Variants in SLC35F1 observed in about 807,000 individuals in gnomAD.
SLC35F1 encodes solute carrier family 35 member F1.
In SLC35F1, 14 loss-of-function variants were observed where a neutral mutation model predicts 48.7. The ratio of observed to expected loss-of-function variants is 0.29; its 90% confidence interval spans 0.19 to 0.45. SLC35F1 has a LOEUF of 0.45. Ranked by LOEUF, SLC35F1 falls within the 20% of genes least tolerant of loss-of-function variation. The pLI is 1.00. For synonymous variants in SLC35F1, 190 were observed against 202.2 expected (o/e 0.94, Z 0.51); for missense variants, 404 against 500.0 (o/e 0.81, Z 1.83).
Position 118,074,030 on chromosome 6 carries a change from C to T in SLC35F1, c.174-80415C>T, listed in dbSNP as rs544602402. On this transcript the variant is annotated intron_variant, in intron 1 of 7. Transcript: ENST00000360388. ...CCTGTTGATTATATAAACTCAATTA[C>T]TTTAGCTTTTCCCTATAGACTATAT... Among the ~76,000 whole-genome samples, 4 of 152,252 alleles carry T rather than the reference C, an allele frequency of 2.6e-5. No homozygotes were observed. In the South Asian group the frequency reaches 8.3e-4, roughly 32 times the overall value.
intron 2 of SLC35F1, among the ~76,000 whole-genome samples, chr6:118,176,200 G>A (rs1025022363): frequency 6.6e-6 from 1 of 152,040 alleles, no homozygotes; most frequent in Non-Finnish European, 1.5e-5. Context: ...AATGTTTAGA[G>A]GCACACCCCA....
At chr6:117,912,765 GTATTTA>G (rs1334290650) in intron 1 of SLC35F1, among the ~76,000 whole-genome samples, 7 of 152,164 alleles carry the variant, frequency 4.6e-5, no homozygotes, top group African/African-American at 1.7e-4. Context: ...CAGTATACTT[GTATTTA>G]TGCCCAGTGC....
intron 1 of SLC35F1, among the ~76,000 whole-genome samples, chr6:118,093,339 G>A (rs558398941): frequency 6.6e-6 from 1 of 152,048 alleles, no homozygotes; most frequent in African/African-American, 2.4e-5. Context: ...ATAAATGTGA[G>A]GACATGAGAT....
intron 1 of SLC35F1, among the ~76,000 whole-genome samples, chr6:118,134,587 T>C (rs573734877): frequency 1.3e-5 from 2 of 152,306 alleles, no homozygotes; most frequent in African/African-American, 2.4e-5. Flanking sequence ...AAAGGTGAAC[T>C]TGCGGCAGAG....
Position 118,317,536 on chromosome 6 carries a change from G to C in SLC35F1, c.*3284G>C, listed in dbSNP as rs1310366030. 1 of 151,914 alleles carries C rather than the reference G, an allele frequency of 6.6e-6. No individual in the cohort carries two copies. Among genetic ancestry groups the C allele is most frequent in the Admixed American group, 6.6e-5 (1 of 15,264 alleles). 9.4% of individuals were successfully genotyped at this position (151,914 alleles called of 1,614,324 possible). The stretch of plus-strand genomic sequence containing the variant: ...TGACAACACTGCAAATGGAAAATAC[G>C]AACCAAAAAAAAGTTACACCGATAA... On this transcript the variant is annotated 3_prime_UTR_variant, in exon 8 of 8. Transcript: ENST00000360388.
intron 7 of SLC35F1, among the ~76,000 whole-genome samples, chr6:118,285,860 A>G (rs1440215306): frequency 6.6e-6 from 1 of 152,218 alleles, no homozygotes; most frequent in Admixed American, 6.5e-5. Flanking sequence ...GAATGCAAAG[A>G]GATCATGTGA....
chr6:117,923,729 A>ATACACGTCACACG (rs1554216736), intron 1 of SLC35F1, among the ~76,000 whole-genome samples: 1 of 89,970 alleles, frequency 1.1e-5, no homozygotes, highest in African/African-American at 4.4e-5. Context: ...ATATATACAT[A>ATACACGTCACACG]TGTATATATA....
At chr6:118,158,437 C>G (rs954429569) in intron 2 of SLC35F1, among the ~76,000 whole-genome samples, 1 of 152,176 alleles carries the variant, frequency 6.6e-6, no homozygotes, top group Non-Finnish European at 1.5e-5. Flanking sequence ...TCTCCTTTCT[C>G]ACCGCTCCGA....
At chr6:118,003,511 C>T (rs1202325321) in intron 1 of SLC35F1, among the ~76,000 whole-genome samples, 1 of 152,158 alleles carries the variant, frequency 6.6e-6, no homozygotes, top group Non-Finnish European at 1.5e-5. Context: ...GAGGTCTGGG[C>T]ACTAATGTGC....
chr6:118,146,304 G>A (rs1416072932), intron 1 of SLC35F1, among the ~76,000 whole-genome samples: 1 of 152,158 alleles, frequency 6.6e-6, no homozygotes, highest in Non-Finnish European at 1.5e-5. Flanking sequence ...GCTCGAAAAT[G>A]TCAAAGAATG....
chr6:118,011,811 A>G (rs1262399300), intron 1 of SLC35F1, among the ~76,000 whole-genome samples: 3 of 152,162 alleles, frequency 2.0e-5, no homozygotes, highest in Non-Finnish European at 4.4e-5. Flanking sequence ...GCCCTGCTCA[A>G]CACAGAATTA....
At chr6:118,038,430 T>C (rs1262084655) in intron 1 of SLC35F1, among the ~76,000 whole-genome samples, 8 of 152,028 alleles carry the variant, frequency 5.3e-5, no homozygotes, top group South Asian at 4.1e-4. Flanking sequence ...GTCTTTATTT[T>C]GGTAGGGATT....
At chr6:118,009,204 A>T (rs1777213917) in intron 1 of SLC35F1, among the ~76,000 whole-genome samples, 1 of 152,180 alleles carries the variant, frequency 6.6e-6, no homozygotes, top group African/African-American at 2.4e-5. Context: ...CATAGGGAGA[A>T]CACAACAGAT....
chr6:117,911,428 T>G, intron 1 of SLC35F1, among the ~76,000 whole-genome samples: 1 of 50,050 alleles, frequency 2.0e-5, no homozygotes, highest in African/African-American at 6.5e-5. Flanking sequence ...CCTCCCTCCC[T>G]TCCTTCCTTC....
intron 1 of SLC35F1, among the ~76,000 whole-genome samples, chr6:117,922,693 A>G (rs148770082): frequency 2.0e-5 from 3 of 152,332 alleles, no homozygotes; most frequent in African/African-American, 4.8e-5. Flanking sequence ...GACATTGGAC[A>G]TTAGGACAGG....
chr6:117,942,004 A>G lies in SLC35F1; in HGVS notation c.173+34105A>G, dbSNP rs531778374. Among the ~76,000 whole-genome samples, 13 of 152,320 alleles carry G rather than the reference A, an allele frequency of 8.5e-5. No homozygotes were observed. The South Asian group carries it at 2.5e-3, about 29-fold the overall frequency. On this transcript the variant is annotated intron_variant, in intron 1 of 7. Coordinates refer to ENST00000360388, the MANE Select transcript of SLC35F1 (RefSeq NM_001029858.4). ...TGTGTGCCAGGAAGACCTTTTTCTC[A>G]AGATCTTAAGCATCATTGTCATGGA...
chr6:118,016,816 A>T (rs1020986663), intron 1 of SLC35F1, among the ~76,000 whole-genome samples: 2 of 152,236 alleles, frequency 1.3e-5, no homozygotes, highest in Non-Finnish European at 2.9e-5. Flanking sequence ...GCTAAAAGGC[A>T]TAGTTTCTAA....
At chr6:118,202,687 A>G (rs1185073317) in intron 2 of SLC35F1, among the ~76,000 whole-genome samples, 3 of 152,184 alleles carry the variant, frequency 2.0e-5, no homozygotes, top group African/African-American at 7.2e-5. Flanking sequence ...GGCAATTCCA[A>G]TCTAGTGAAA....
chr6:117,996,604 C>T (rs1369733491), intron 1 of SLC35F1, among the ~76,000 whole-genome samples: 4 of 152,200 alleles, frequency 2.6e-5, no homozygotes, highest in Non-Finnish European at 4.4e-5. Flanking sequence ...AACAATCAGA[C>T]AGCAGCATTC....
Sources: gnomAD v4.1 joint callset for allele counts (sites outside exome capture counted in the v4.1 genomes callset) on GRCh38, gnomAD v4.1.1 for gene constraint, MANE v1.5 for transcripts, NCBI Gene and HGNC (gene_info 2026-07-23, HGNC 2026-07-21) for gene names.